RALYL: variants seen among roughly 807,000 people sequenced by gnomAD.
RALYL encodes the protein RNA-binding Raly-like protein.
A neutral mutation model predicts 35.1 loss-of-function variants in RALYL; 29 were observed. The ratio of observed to expected loss-of-function variants is 0.83; its 90% CI spans 0.61 to 1.13. RALYL has a LOEUF of 1.13. Ranked by LOEUF, RALYL falls within the 50% of genes most tolerant of loss-of-function variation. The pLI is 0.00. For missense variants in RALYL, 359 were observed against 360.4 expected (o/e 1.00, Z 0.03); for synonymous variants, 120 against 127.6 (o/e 0.94, Z 0.40).
intron 1 of RALYL, among the ~76,000 whole-genome samples, chr8:84,457,127 T>C (rs115873227): frequency 1.1e-4 from 17 of 152,086 alleles, no homozygotes; most frequent in African/African-American, 3.6e-4. Context: ...CTCAGTTCCT[T>C]GCCAGTTGTC....
intron 4 of RALYL, among the ~76,000 whole-genome samples, chr8:84,822,116 C>T (rs1427054): frequency 0.26 from 39,098 of 152,082 alleles, 7,614 homozygotes; most frequent in African/African-American, 0.54. Flanking sequence ...CTTCCAGATA[C>T]TGGCTAAATT....
At chr8:84,232,786 GATTAT>G (rs955332747) in intron 1 of RALYL, among the ~76,000 whole-genome samples, 45 of 151,876 alleles carry the variant, frequency 3.0e-4, no homozygotes, top group African/African-American at 1.0e-3. Context: ...ATGAATGTGT[GATTAT>G]ATTATATTAA....
At chr8:84,290,421 G>A (rs1364733416) in intron 1 of RALYL, among the ~76,000 whole-genome samples, 1 of 151,970 alleles carries the variant, frequency 6.6e-6, no homozygotes, top group Non-Finnish European at 1.5e-5. Context: ...GGAGATAAGG[G>A]TGGGGCCGTT....
intron 1 of RALYL, among the ~76,000 whole-genome samples, chr8:84,370,756 G>A (rs1208776916): frequency 2.0e-5 from 3 of 151,930 alleles, no homozygotes; most frequent in Non-Finnish European, 4.4e-5. Context: ...AAATGTGCAA[G>A]TTTGTAGAAG....
intron 2 of RALYL, among the ~76,000 whole-genome samples, chr8:84,745,662 A>C (rs1484338826): frequency 6.6e-6 from 1 of 152,082 alleles, no homozygotes; most frequent in Non-Finnish European, 1.5e-5. Context: ...TATTTTATAA[A>C]GAAATGGCCT....
At chr8:84,271,283 T>C (rs1042950688) in intron 1 of RALYL, among the ~76,000 whole-genome samples, 76 of 151,936 alleles carry the variant, frequency 5.0e-4, no homozygotes, top group African/African-American at 1.7e-3. Context: ...AACAAGCACA[T>C]AAAGTATACT....
intron 1 of RALYL, among the ~76,000 whole-genome samples, chr8:84,202,367 A>ATTTTT (rs1187950600): frequency 1.8e-5 from 2 of 113,446 alleles, no homozygotes; most frequent in African/African-American, 3.2e-5. Flanking sequence ...TATTGAAGGG[A>ATTTTT]TTTTTTTTTT....
At chr8:84,797,853 T>C (rs538151275) in intron 3 of RALYL, among the ~76,000 whole-genome samples, 1 of 152,310 alleles carries the variant, frequency 6.6e-6, no homozygotes, top group East Asian at 1.9e-4. Flanking sequence ...TCTTCTTTAT[T>C]TACTTTTATC....
At chr8:84,242,296 A>T (rs1563595251) in intron 1 of RALYL, among the ~76,000 whole-genome samples, 1 of 152,116 alleles carries the variant, frequency 6.6e-6, no homozygotes. Context: ...TATTGTAAAT[A>T]GTGCTGCAGT....
intron 1 of RALYL, among the ~76,000 whole-genome samples, chr8:84,456,881 A>G (rs778143301): frequency 4.6e-5 from 7 of 151,970 alleles, no homozygotes; most frequent in African/African-American, 7.2e-5. Context: ...ACTATAGTAC[A>G]TTTTGTAGTG....
At chr8:84,710,511 A>G (rs1842001471) in intron 2 of RALYL, among the ~76,000 whole-genome samples, 1 of 150,390 alleles carries the variant, frequency 6.6e-6, no homozygotes, top group Non-Finnish European at 1.5e-5. Flanking sequence ...CATGTTGCCC[A>G]GGCTGGTCTT....
intron 8 of RALYL, among the ~76,000 whole-genome samples, chr8:84,908,115 C>A (rs1355011057): frequency 2.0e-5 from 3 of 151,960 alleles, no homozygotes; most frequent in Non-Finnish European, 4.4e-5. Flanking sequence ...TTAAGGGGTA[C>A]AAAGTGATGT....
At chr8:84,533,759 C>A (rs549845965) in intron 2 of RALYL, among the ~76,000 whole-genome samples, 1 of 152,108 alleles carries the variant, frequency 6.6e-6, no homozygotes, top group South Asian at 2.1e-4. Context: ...AAAGTGGGAA[C>A]ATGATGAATA....
intron 2 of RALYL, among the ~76,000 whole-genome samples, chr8:84,768,372 G>A (rs1008698714): frequency 6.6e-6 from 1 of 152,080 alleles, no homozygotes; most frequent in Non-Finnish European, 1.5e-5. Flanking sequence ...TCGTTCATTC[G>A]AATCTTGGCA....
At chr8:84,410,199 T>G (rs1210763401) in intron 1 of RALYL, among the ~76,000 whole-genome samples, 1 of 151,946 alleles carries the variant, frequency 6.6e-6, no homozygotes, top group Non-Finnish European at 1.5e-5. Flanking sequence ...GCTTTCTTTT[T>G]TGTTCACAGT....
At chr8:84,629,853 G>T (rs1823551595) in intron 2 of RALYL, among the ~76,000 whole-genome samples, 1 of 151,972 alleles carries the variant, frequency 6.6e-6, no homozygotes, top group South Asian at 2.1e-4. Context: ...AAACCAAAAG[G>T]ATATATGGTT....
At chr8:84,506,986 T>A (rs1253840232) in intron 1 of RALYL, among the ~76,000 whole-genome samples, 1 of 152,098 alleles carries the variant, frequency 6.6e-6, no homozygotes, top group Non-Finnish European at 1.5e-5. Context: ...AAGACTGTCA[T>A]CTAGCTGGCA....
At chr8:84,339,840 T>C (rs935001674) in intron 1 of RALYL, among the ~76,000 whole-genome samples, 7 of 152,078 alleles carry the variant, frequency 4.6e-5, no homozygotes, top group Non-Finnish European at 1.0e-4. Context: ...GCTTCCTCCA[T>C]GAGTTGTTCT....
At chr8:84,901,429 T>A (rs1356370855) in intron 8 of RALYL, among the ~76,000 whole-genome samples, 2 of 152,150 alleles carry the variant, frequency 1.3e-5, no homozygotes, top group Admixed American at 1.3e-4. Flanking sequence ...ATTCCAGAGC[T>A]ACATTTTTAC....
Sources: gnomAD v4.1 joint callset for allele counts (sites outside exome capture counted in the v4.1 genomes callset) on GRCh38, gnomAD v4.1.1 for gene constraint, MANE v1.5 for transcripts, NCBI Gene and HGNC (gene_info 2026-07-23, HGNC 2026-07-21) for gene names.